The following C1orf21 variants were observed in gnomAD, a reference collection of about 807,000 sequenced individuals.
C1orf21 encodes chromosome 1 open reading frame 21, also known as uncharacterized protein C1orf21.
Under a neutral mutation model 18.7 loss-of-function variants are expected in C1orf21, and 3 were observed. The observed-to-expected ratio is 0.16, with a 90% CI of 0.07 to 0.42. The LOEUF (loss-of-function observed/expected upper bound fraction) is 0.42. Among genes scored for constraint, C1orf21 ranks in the 10% least tolerant of loss-of-function variants. The pLI is 0.99. For missense variants in C1orf21, 104 were observed against 143.6 expected (o/e 0.72, Z 1.41); for synonymous variants, 41 against 46.4 (o/e 0.88, Z 0.47).
rs1231587601 is a variant in C1orf21, at chr1:184,572,371, A to G, written c.190-18368A>G. 5.3e-5 allele frequency among the ~76,000 whole-genome samples: 8 copies of G among 152,316 alleles called. No individual in the cohort carries two copies. In the East Asian group the frequency reaches 1.5e-3, roughly 29 times the overall value. On this transcript the variant is annotated intron_variant, in intron 3 of 5. Coordinates refer to ENST00000235307, the MANE Select transcript of C1orf21 (RefSeq NM_030806.4). Reference sequence around the variant, plus strand: ...GGAGCGAGGGAGCGAGAACATGCATATAGGTAAATGGACCAGTATACATGC... The same window carrying G: ...GGAGCGAGGGAGCGAGAACATGCATGTAGGTAAATGGACCAGTATACATGC...
chr1:184,457,370 C>T (rs891268763), intron 1 of C1orf21, among the ~76,000 whole-genome samples: 3 of 152,004 alleles, frequency 2.0e-5, no homozygotes, highest in African/African-American at 4.8e-5. Flanking sequence ...TTAGCTCTGT[C>T]GTGGAGAAGC....
intron 1 of C1orf21, among the ~76,000 whole-genome samples, chr1:184,462,800 G>A (rs541166932): frequency 7.9e-5 from 12 of 152,180 alleles, no homozygotes; most frequent in African/African-American, 2.2e-4. Context: ...TATAGTGTTC[G>A]GCCGGGTGTG....
chr1:184,419,647 GA>G (rs35189937), intron 1 of C1orf21, among the ~76,000 whole-genome samples: 15 of 145,726 alleles, frequency 1.0e-4, no homozygotes, highest in South Asian at 4.4e-4. Flanking sequence ...GGGAAAAACA[GA>G]AAAAAAAAAC....
intron 5 of C1orf21, among the ~76,000 whole-genome samples, chr1:184,604,589 A>C (rs1372469808): frequency 6.6e-6 from 1 of 152,148 alleles, no homozygotes; most frequent in Non-Finnish European, 1.5e-5. Flanking sequence ...ACCTTTCCTC[A>C]TTCTTCAGCC....
rs537088130 is a variant in C1orf21, at chr1:184,413,144, C to A, written c.-125+25776C>A. On this transcript the variant is annotated intron_variant, in intron 1 of 5. Coordinates refer to ENST00000235307, the MANE Select transcript of C1orf21 (RefSeq NM_030806.4). ...CTTCCTGATATCTCTTTGGTGGACA[C>A]CTGTTGCTGTGGTAATCCTGCAGTG... Among the ~76,000 whole-genome samples, 433 of 152,290 alleles carry A rather than the reference C, an allele frequency of 2.8e-3. 2 individuals carry two copies. Among genetic ancestry groups the A allele is most frequent in the African/African-American group, 8.9e-3 (370 of 41,566 alleles).
intron 1 of C1orf21, among the ~76,000 whole-genome samples, chr1:184,453,719 G>A (rs774413548): frequency 2.6e-5 from 4 of 152,060 alleles, no homozygotes; most frequent in Admixed American, 6.6e-5. Context: ...TCAAGAAATA[G>A]CTGTTAGCTT....
At chr1:184,491,970 C>T (rs2180077) in intron 2 of C1orf21, among the ~76,000 whole-genome samples, 71,552 of 152,086 alleles carry the variant, frequency 0.47, 17,476 homozygotes, top group African/African-American at 0.61. Flanking sequence ...AAGCATGATG[C>T]AGAGTTTGAC....
At chr1:184,574,919 G>A (rs757562471) in intron 3 of C1orf21, among the ~76,000 whole-genome samples, 5 of 152,184 alleles carry the variant, frequency 3.3e-5, no homozygotes, top group Non-Finnish European at 5.9e-5. Context: ...AGCTCAGCTC[G>A]GGTGTCTTAG....
intron 3 of C1orf21, among the ~76,000 whole-genome samples, chr1:184,517,551 A>AAACCGGTATT (rs5779220): frequency 0.52 from 79,482 of 151,828 alleles, 21,209 homozygotes; most frequent in African/African-American, 0.65. Context: ...AACAAGAGTG[A>AAACCGGTATT]AATAGGCAAA....
At chr1:184,619,448 T>G in intron 5 of C1orf21, 70 bp from the exon 6 acceptor site, 1 of 1,520,642 alleles carries the variant, frequency 6.6e-7, no homozygotes. Context: ...GAAAATTGAT[T>G]ACAAGTAACT....
intron 2 of C1orf21, among the ~76,000 whole-genome samples, chr1:184,506,114 C>T (rs1387069049): frequency 6.6e-6 from 1 of 152,020 alleles, no homozygotes. Flanking sequence ...TATTTAGGAC[C>T]TGGTATTCCT....
At chr1:184,446,752 G>A (rs751576109) in intron 1 of C1orf21, among the ~76,000 whole-genome samples, 1 of 151,238 alleles carries the variant, frequency 6.6e-6, no homozygotes, top group Non-Finnish European at 1.5e-5. Context: ...TGAGGCCACT[G>A]GGGGAAGTTG....
At chr1:184,508,801 G>C (rs1341337022) in intron 3 of C1orf21, among the ~76,000 whole-genome samples, 1 of 152,118 alleles carries the variant, frequency 6.6e-6, no homozygotes, top group Non-Finnish European at 1.5e-5. Flanking sequence ...TATCACTTAA[G>C]ACACAGAGAT....
intron 2 of C1orf21, among the ~76,000 whole-genome samples, chr1:184,503,137 CT>C (rs546932761): frequency 5.6e-4 from 84 of 150,354 alleles, no homozygotes; most frequent in African/African-American, 2.0e-3. Context: ...AAATGTTTGC[CT>C]CTATTAGGTT....
At chr1:184,513,584 G>C (rs1221685942) in intron 3 of C1orf21, among the ~76,000 whole-genome samples, 1 of 152,238 alleles carries the variant, frequency 6.6e-6, no homozygotes, top group Non-Finnish European at 1.5e-5. Context: ...AAGCATGCTT[G>C]CCTGGATGGC....
intron 3 of C1orf21, among the ~76,000 whole-genome samples, chr1:184,585,261 T>A (rs964666270): frequency 2.6e-5 from 4 of 152,124 alleles, no homozygotes; most frequent in Admixed American, 6.5e-5. Flanking sequence ...GGCTATTTGC[T>A]TTTCTCATGG....
rs554982492 is a variant in C1orf21 at position 184,455,812 on chromosome 1, A to G, written c.-124-21574A>G. ...CTTTGGGATATTATGAATACTATTC[A>G]TGTTTGGTTTTCACTGTTAAATTTT... On this transcript the variant is annotated intron_variant, in intron 1 of 5. Coordinates refer to ENST00000235307, the MANE Select transcript of C1orf21 (RefSeq NM_030806.4). 1.6e-4 allele frequency among the ~76,000 whole-genome samples: 24 copies of G among 152,312 alleles called. No individual in the cohort carries two copies. In the East Asian group the frequency reaches 4.2e-3, roughly 27 times the overall value.
At chr1:184,518,153 A>G (rs1658257392) in intron 3 of C1orf21, among the ~76,000 whole-genome samples, 1 of 152,194 alleles carries the variant, frequency 6.6e-6, no homozygotes, top group Non-Finnish European at 1.5e-5. Context: ...TTATTCTGGC[A>G]TTGTGGTAAT....
intron 3 of C1orf21, among the ~76,000 whole-genome samples, chr1:184,548,581 G>A (rs779877981): frequency 1.1e-4 from 16 of 152,054 alleles, no homozygotes; most frequent in Non-Finnish European, 1.9e-4. Flanking sequence ...CACTTAGCCA[G>A]AATGGGCAGT....
Sources: allele counts gnomAD v4.1 joint callset (sites outside exome capture counted in the v4.1 genomes callset), GRCh38; gene constraint gnomAD v4.1.1; transcripts MANE v1.5; gene names NCBI Gene and HGNC (gene_info 2026-07-23, HGNC 2026-07-21).